The following CRYBG2 variants were observed in gnomAD, a reference collection of about 807,000 sequenced individuals.
The protein encoded by CRYBG2 is beta/gamma crystallin domain-containing protein 2.
CRYBG2 carries 106 observed loss-of-function variants against 153.4 expected under a neutral mutation model. The ratio of observed to expected loss-of-function variants is 0.69; its 90% CI spans 0.59 to 0.81. The LOEUF (loss-of-function observed/expected upper bound fraction) is 0.81. Among genes scored for constraint, CRYBG2 ranks in the 30% least tolerant of loss-of-function variants. The pLI, the probability that CRYBG2 is intolerant of heterozygous loss-of-function variation, is 0.00. For missense variants in CRYBG2, 1,996 were observed against 2,112.0 expected, an observed-to-expected ratio of 0.95 and a Z score of 1.08; for synonymous variants, 851 against 877.8, an observed-to-expected ratio of 0.97 and a Z score of 0.54.
chr1:26,336,977 A>C lies in CRYBG2; in HGVS notation c.3775T>G (p.Phe1259Val). The C allele has an allele frequency of 1.9e-6, 3 of 1,613,650 alleles. No homozygotes were observed. The highest frequency in any genetic ancestry group is 2.5e-6 in the Non-Finnish European group (3 of 1,179,896). Residue 1259 changes from phenylalanine to valine, a missense_variant, in exon 11 of 20, where the codon TTC (phenylalanine) becomes GTC (valine). Transcript: ENST00000308182. This position sits in a 1 kb window ranked among gnomAD's most constrained non-coding sequence, Gnocchi z 4.9. ...AATAGCACGACGGCCGGGTCCCCGA[A>C]GTCCTGGGTCCCCAGGGACAGTCAG... ...LTSLRVIRTD[F>V]GDPAVVLFEA... is the part of the protein sequence containing the mutation.
Position 26,354,006 on chromosome 1 carries a change from C to A in CRYBG2, c.-56+30G>T, listed in dbSNP as rs552417826. ...CTCAAGACAGGGCAGCCAGGCCAGTCTCCCCTCCCATCTCCACACACAGAC... is the reference window on the plus strand; with the variant it reads ...CTCAAGACAGGGCAGCCAGGCCAGTATCCCCTCCCATCTCCACACACAGAC... On this transcript the variant is annotated intron_variant, in intron 1 of 19. Coordinates refer to ENST00000308182, the MANE Select transcript of CRYBG2 (RefSeq NM_001039775.4). 2.5e-5 allele frequency: 10 copies of A among 399,430 alleles called. No individual in the cohort carries two copies. In the East Asian group the frequency reaches 3.6e-4, roughly 14 times the overall value. The allele number at this position is 399,430 out of a possible 1,614,324, so 24.7% of individuals were successfully genotyped here.
intron 15 of CRYBG2, among the ~76,000 whole-genome samples, chr1:26,330,777 G>A (rs1460470969): frequency 1.3e-5 from 2 of 151,934 alleles, no homozygotes; most frequent in Non-Finnish European, 2.9e-5. Flanking sequence ...CACCTCAGGT[G>A]ATCCACCCAC....
intron 15 of CRYBG2, 119 bp downstream of exon 15, chr1:26,331,370 G>A: frequency 7.1e-7 from 1 of 1,416,528 alleles, no homozygotes; most frequent in East Asian, 2.3e-5. Context: ...AGGGGACCTG[G>A]GGCAGTTCTA....
Position 26,339,447 on chromosome 1 carries a change from A to T in CRYBG2, c.3205-18T>A, listed in dbSNP as rs138263294. The T allele has an allele frequency of 4.3e-6, 7 of 1,613,090 alleles. No individual in the cohort carries two copies. Among genetic ancestry groups the T allele is most frequent in the Non-Finnish European group, 5.9e-6 (7 of 1,179,802 alleles). On this transcript the variant is annotated intron_variant, in intron 5 of 19. Coordinates refer to ENST00000308182, the MANE Select transcript of CRYBG2 (RefSeq NM_001039775.4). ...CTGTAGTCCTGTGGAAGGAGGGGGA[A>T]AATTAAATATAGATAAACAGCCAGG...
Position 26,328,714 on chromosome 1 carries a change from T to C in CRYBG2, c.4454+20A>G. ...TCCCCACCAGCAGCCACCGCACCCATGCCTCCCCTCAGCACTCACATGCCC... is the reference window on the plus strand; with the variant it reads ...TCCCCACCAGCAGCCACCGCACCCACGCCTCCCCTCAGCACTCACATGCCC... On this transcript the variant is annotated intron_variant, in intron 16 of 19. Transcript: ENST00000308182. 1 of 1,604,692 alleles carries C rather than the reference T, an allele frequency of 6.2e-7. No homozygotes were observed. Among genetic ancestry groups the C allele is most frequent in the East Asian group, 2.2e-5 (1 of 44,654 alleles).
intron 18 of CRYBG2, among the ~76,000 whole-genome samples, chr1:26,322,736 T>C (rs1557700363): frequency 6.6e-6 from 1 of 151,910 alleles, no homozygotes; most frequent in African/African-American, 2.4e-5. Context: ...GACTAAAGAT[T>C]ATAGGAGGCA....
chr1:26,353,313 C>T (rs2074305351), intron 1 of CRYBG2, among the ~76,000 whole-genome samples: 3 of 152,190 alleles, frequency 2.0e-5, no homozygotes. Context: ...TTCAAAACCC[C>T]ACCCCAGGCT....
At chr1:26,327,984 T>C (rs1408643277) in intron 17 of CRYBG2, among the ~76,000 whole-genome samples, 1 of 151,652 alleles carries the variant, frequency 6.6e-6, no homozygotes, top group Non-Finnish European at 1.5e-5. Context: ...AAAAAAAAGC[T>C]TTTTTTAAGA....
intron 14 of CRYBG2, among the ~76,000 whole-genome samples, chr1:26,333,014 CAAAAAAAAAAAAAAAAA>C (rs59155910): frequency 2.8e-5 from 2 of 71,912 alleles, no homozygotes; most frequent in South Asian, 6.2e-4. Context: ...CACCAAACCC[CAAAAAAAAAAAAAAAAA>C]AAAAAAAAAA....
In CRYBG2 at chr1:26,337,622, CG is replaced by C. The variant is rs1557710705; in HGVS notation, c.3559del (p.Arg1187GlufsTer23). On this transcript the variant is annotated frameshift_variant, in exon 9 of 20. Coordinates refer to ENST00000308182, the MANE Select transcript of CRYBG2 (RefSeq NM_001039775.4). LOFTEE classifies it high-confidence loss of function. The part of the protein sequence containing the change: ...GFQGRSWEVS[R>X]DIYNLQQPED... ...TGGCTGCTGAAGGTTGTAGATGTCT[CG>C]GCTCACTTCCCAGCTGCGGCCCTGA... 3 of 1,613,030 alleles carry C rather than the reference CG, an allele frequency of 1.9e-6. No homozygotes were observed. Among genetic ancestry groups the C allele is most frequent in the Non-Finnish European group, 2.5e-6 (3 of 1,179,942 alleles).
chr1:26,332,838 G>GT lies in CRYBG2; in HGVS notation c.4185-1221dup, dbSNP rs571629135. ...ACACTTTTAAGGTGTACAATTTAGT[G>GT]TTTTTTTTATTATATTAACCCAGTT... On this transcript the variant is annotated intron_variant, in intron 14 of 19. Coordinates refer to ENST00000308182, the MANE Select transcript of CRYBG2 (RefSeq NM_001039775.4). 8.2e-3 allele frequency among the ~76,000 whole-genome samples: 1,234 copies of GT among 150,794 alleles called. 8 individuals are homozygous for GT. The highest frequency in any genetic ancestry group is 0.015 in the Non-Finnish European group (1,000 of 67,632).
In CRYBG2 at chr1:26,337,541, C is replaced by A. The variant is rs2074076798; in HGVS notation, c.3641G>T (p.Gly1214Val). Residue 1214 changes from glycine (G) to valine (V), a missense_variant, in exon 9 of 20, where the codon GGC (glycine) becomes GTC (valine). Transcript: ENST00000308182. ...ASVGSLRVLG[G>V]CWVGYEKEGF... ...AGGAAGGGTCCTGAGTTCTCACCAG[C>A]CTCCGAGAACTCTCAGGGACCCCAC... 1 of 1,612,042 alleles carries A rather than the reference C, an allele frequency of 6.2e-7. No individual in the cohort carries two copies. The highest frequency in any genetic ancestry group is 8.5e-7 in the Non-Finnish European group (1 of 1,179,938).
chr1:26,345,285 A>T lies in CRYBG2; in HGVS notation c.1373T>A (p.Phe458Tyr). Residue 458 changes from phenylalanine (F) to tyrosine (Y), a missense_variant, in exon 2 of 20, where the codon TTT becomes TAT. Transcript: ENST00000308182. ...GCCCTTCACGACCTCCCTCTGGGTAAAGGGGAGGACAGGGACATTTTCAGA... is the reference window on the plus strand; with the variant it reads ...GCCCTTCACGACCTCCCTCTGGGTATAGGGGAGGACAGGGACATTTTCAGA... ...QNSENVPVLP[F>Y]TQREVVKGPG... 6.2e-7 allele frequency: 1 copy of T among 1,613,260 alleles called. No individual in the cohort carries two copies.
intron 14 of CRYBG2, among the ~76,000 whole-genome samples, 164 bp downstream of exon 14, chr1:26,335,930 AC>A (rs1251709110): frequency 2.6e-5 from 4 of 152,256 alleles, no homozygotes; most frequent in Non-Finnish European, 5.9e-5. Context: ...TATACAATCT[AC>A]AGTTTTACAT....
chr1:26,353,998 A>G, intron 1 of CRYBG2, 38 bp downstream of exon 1: 1 of 399,386 alleles, frequency 2.5e-6, no homozygotes, highest in Non-Finnish European at 4.4e-6. Flanking sequence ...CAGGGCAGCC[A>G]GGCCAGTCTC....
chr1:26,343,649 C>G lies in CRYBG2; in HGVS notation c.2913+96G>C. 7.2e-7 allele frequency: 1 copy of G among 1,384,558 alleles called. No homozygotes were observed. Among genetic ancestry groups the G allele is most frequent in the South Asian group, 1.6e-5 (1 of 61,756 alleles). 85.8% of individuals were successfully genotyped at this position (1,384,558 alleles called of 1,614,324 possible). On this transcript the variant is annotated intron_variant, in intron 2 of 19. Coordinates refer to ENST00000308182, the MANE Select transcript of CRYBG2 (RefSeq NM_001039775.4). The surrounding 1 kb of genome is among the most constrained non-coding windows in gnomAD (Gnocchi z 4.1). The stretch of plus-strand genomic sequence containing the variant: ...GACTTCAGACAGAAGCCTCTGCCCC[C>G]AGACTCTGACTCCCAGCACCACTCT...
chr1:26,331,590 C>G lies in CRYBG2; in HGVS notation c.4213G>C (p.Glu1405Gln). Residue 1405 changes from glutamate (E) to glutamine (Q), a missense_variant, in exon 15 of 20, where the codon GAG (glutamate) becomes CAG (glutamine). Physicochemically the swap from Glu to Gln is conservative, Grantham distance 29. Coordinates refer to ENST00000308182, the MANE Select transcript of CRYBG2 (RefSeq NM_001039775.4). The part of the protein sequence containing the change: ...SWILFDETNF[E>Q]GDQHILSEGE... ...TCAGAGAGAATGTGCTGGTCACCCT[C>G]GAAGTTCGTCTCATCAAACAGGATC... is the stretch of plus-strand genomic sequence containing the variant. The G allele has an allele frequency of 6.2e-7, 1 of 1,614,050 alleles. No homozygotes were observed. The highest frequency in any genetic ancestry group is 8.5e-7 in the Non-Finnish European group (1 of 1,180,018).
chr1:26,338,450 G>A lies in CRYBG2; in HGVS notation c.3372C>T (p.Phe1124=), dbSNP rs377077531. 1.4e-4 allele frequency: 218 copies of A among 1,612,414 alleles called. No individual in the cohort carries two copies. The highest frequency in any genetic ancestry group is 1.8e-4 in the Non-Finnish European group (209 of 1,179,274). ...GTTCCAGGATGTAGGGAGTGTCTTC[G>A]AATAATGGTTTGGGGTACAGTAGCC... is the stretch of plus-strand genomic sequence containing the variant. ...GLWLLYPKPL[F]EDTPYILEPG... Residue 1124 remains phenylalanine, a synonymous_variant, in exon 7 of 20, where the codon TTC becomes TTT. Transcript: ENST00000308182.
chr1:26,342,803 C>T lies in CRYBG2; in HGVS notation c.3155G>A (p.Gly1052Glu). The change falls in exon 5 of 20, where the codon GGG becomes GAG. Residue 1052 changes from glycine (G) to glutamate (E), a missense_variant. By Grantham distance (98) the Gly-to-Glu change is moderately conservative. Transcript: ENST00000308182. ...PEGDMELRTPGTKWSPQGIGS... is the reference protein window; with the variant it reads ...PEGDMELRTPETKWSPQGIGS... ...GATGCCTTGGGGACTCCACTTTGTC[C>T]CTGGGGTTCTGAGTTCCATGTCTCC... 1.9e-6 allele frequency: 3 copies of T among 1,614,100 alleles called. No individual in the cohort carries two copies. Among genetic ancestry groups the T allele is most frequent in the Non-Finnish European group, 2.5e-6 (3 of 1,179,980 alleles).
Sources: allele counts gnomAD v4.1 joint callset (sites outside exome capture counted in the v4.1 genomes callset), GRCh38; gene constraint gnomAD v4.1.1; non-coding constraint Gnocchi (gnomAD v3.1); transcripts MANE v1.5; gene names NCBI Gene and HGNC (gene_info 2026-07-23, HGNC 2026-07-21).